Variants in CCDC127 observed in about 807,000 individuals in gnomAD.
CCDC127 encodes the protein coiled-coil domain containing 127, also known as coiled-coil domain-containing protein 127.
CCDC127 carries 2 observed loss-of-function variants against 4.1 expected under a neutral mutation model. That is an observed-to-expected ratio of 0.49 (90% CI 0.20 to 1.53). The LOEUF is 1.53. CCDC127 is among the 40% of genes most tolerant of loss of function. CCDC127 has a pLI of 0.23. For synonymous variants in CCDC127, 98 were observed against 120.4 expected (o/e 0.81, Z 1.22); for missense variants, 271 against 322.9 (o/e 0.84, Z 1.23).
rs1553994579 is a variant in CCDC127, at chr5:196,956, T to TTTG, written c.*8340_*8341insCAA. The TTTG allele has an allele frequency of 6.8e-6, 1 of 147,134 alleles. No homozygotes were observed. The highest frequency in any genetic ancestry group is 1.5e-5 in the Non-Finnish European group (1 of 66,862). 9.1% of individuals were successfully genotyped at this position (147,134 alleles called of 1,614,324 possible). A position where few individuals can be genotyped will look rare whatever the true frequency, so the allele number is the denominator to read the frequency against. On this transcript the variant is annotated 3_prime_UTR_variant, in exon 3 of 3. Coordinates refer to ENST00000296824, the MANE Select transcript of CCDC127 (RefSeq NM_145265.3). ...CCGGCCTCTGAGTTCCCTCAGTTTT[T>TTTG]ATTATTATTTTCATTATTTCAGCAA...
rs1734466705 is a variant in CCDC127 at position 218,084 on chromosome 5, C to T, written c.-11+9G>A. The T allele has an allele frequency of 8.5e-7, 1 of 1,180,888 alleles. No individual in the cohort carries two copies. Among genetic ancestry groups the T allele is most frequent in the Non-Finnish European group, 1.0e-6 (1 of 953,494 alleles). 73.2% of individuals were successfully genotyped at this position (1,180,888 alleles called of 1,614,324 possible). On this transcript the variant is annotated intron_variant, in intron 1 of 2. Coordinates refer to ENST00000296824, the MANE Select transcript of CCDC127 (RefSeq NM_145265.3). Reference sequence around the variant, plus strand: ...GCCCACCACCTCCCCGGAACAGGGCCCGCTCTACCTCGGTCGGGGAGCGCG... The same window carrying T: ...GCCCACCACCTCCCCGGAACAGGGCTCGCTCTACCTCGGTCGGGGAGCGCG...
Position 201,274 on chromosome 5 carries a change from G to C in CCDC127, c.*4023C>G, listed in dbSNP as rs185281152. On this transcript the variant is annotated 3_prime_UTR_variant, in exon 3 of 3. Transcript: ENST00000296824. ...TAGTCTTCAGACTTGCTTTTATGTA[G>C]CAAACCTAATATGTGAAAGTAACTA... The C allele has an allele frequency of 3.3e-5, 5 of 152,340 alleles. No homozygotes were observed. Among genetic ancestry groups the C allele is most frequent in the African/African-American group, 1.2e-4 (5 of 41,556 alleles). The allele number at this position is 152,340 out of a possible 1,614,324, so 9.4% of individuals were successfully genotyped here.
At chr5:208,150 C>T (rs62346511) in intron 2 of CCDC127, among the ~76,000 whole-genome samples, 5,153 of 152,248 alleles carry the variant, frequency 0.034, 156 homozygotes, top group Middle Eastern at 0.058. Flanking sequence ...TCTGGGAAGA[C>T]GGAGTAGACA....
Position 197,072 on chromosome 5 carries a change from G to A in CCDC127, c.*8225C>T, listed in dbSNP as rs915812291. ...GAATCTATGTCGTAATTAAGTTCAA[G>A]GGAAGGTACTATGCCTGGACGTGCA... On this transcript the variant is annotated 3_prime_UTR_variant, in exon 3 of 3. Coordinates refer to ENST00000296824, the MANE Select transcript of CCDC127 (RefSeq NM_145265.3). 1 of 151,342 alleles carries A rather than the reference G, an allele frequency of 6.6e-6. No individual in the cohort carries two copies. The highest frequency in any genetic ancestry group is 2.4e-5 in the African/African-American group (1 of 41,000). 9.4% of individuals were successfully genotyped at this position (151,342 alleles called of 1,614,324 possible).
At chr5:210,136 C>A (rs1303537603) in intron 2 of CCDC127, among the ~76,000 whole-genome samples, 1 of 152,194 alleles carries the variant, frequency 6.6e-6, no homozygotes, top group Non-Finnish European at 1.5e-5. Flanking sequence ...TAAAGTCTTA[C>A]TCCTTATTAA....
intron 2 of CCDC127, chr5:216,271 C>T: frequency 5.2e-6 from 1 of 193,110 alleles, no homozygotes; most frequent in South Asian, 9.3e-5. Context: ...AGGCTGGTCA[C>T]TCGATCTGCC....
chr5:203,657 A>G lies in CCDC127; in HGVS notation c.*1640T>C, dbSNP rs1372608798. 2 of 152,230 alleles carry G rather than the reference A, an allele frequency of 1.3e-5. No individual in the cohort carries two copies. Among genetic ancestry groups the G allele is most frequent in the African/African-American group, 4.8e-5 (2 of 41,450 alleles). The allele number at this position is 152,230 out of a possible 1,614,324, so 9.4% of individuals were successfully genotyped here. A position where few individuals can be genotyped will look rare whatever the true frequency, so the allele number is the denominator to read the frequency against. On this transcript the variant is annotated 3_prime_UTR_variant, in exon 3 of 3. Coordinates refer to ENST00000296824, the MANE Select transcript of CCDC127 (RefSeq NM_145265.3). ...GTACAGACGGGCAGGAGGGGAGAAC[A>G]TGGCCCTTGAAAGCAGATGGACAAC...
intron 2 of CCDC127, among the ~76,000 whole-genome samples, chr5:206,427 G>A (rs1734174424): frequency 2.0e-5 from 3 of 152,234 alleles, no homozygotes; most frequent in South Asian, 4.1e-4. Context: ...AAGACACAGT[G>A]GGCCTCTTTC....
At chr5:209,969 C>G (rs559721832) in intron 2 of CCDC127, among the ~76,000 whole-genome samples, 1 of 152,158 alleles carries the variant, frequency 6.6e-6, no homozygotes. Flanking sequence ...ACAGCATCTA[C>G]GGAAAACCTG....
chr5:207,709 G>A (rs1194078399), intron 2 of CCDC127, among the ~76,000 whole-genome samples: 1 of 152,132 alleles, frequency 6.6e-6, no homozygotes, highest in Non-Finnish European at 1.5e-5. Flanking sequence ...CGGACAAGGA[G>A]CACGGGATAT....
Position 201,034 on chromosome 5 carries a change from C to G in CCDC127, c.*4263G>C, listed in dbSNP as rs547133179. 4.0e-5 allele frequency: 1 copy of G among 24,934 alleles called. No individual in the cohort carries two copies. The highest frequency in any genetic ancestry group is 1.2e-3 in the South Asian group (1 of 836). 1.5% of individuals were successfully genotyped at this position (24,934 alleles called of 1,614,324 possible). A position where few individuals can be genotyped will look rare whatever the true frequency, so the allele number is the denominator to read the frequency against. On this transcript the variant is annotated 3_prime_UTR_variant, in exon 3 of 3. Transcript: ENST00000296824. ...TCACAGCCAGCCAGTGTCTACACAG[C>G]AGGCTGCCCCCCATCACAGCCAGCC...
intron 1 of CCDC127, 87 bp downstream of exon 1, chr5:218,006 C>G (rs1407244685): frequency 1.2e-6 from 1 of 832,956 alleles, no homozygotes; most frequent in Non-Finnish European, 1.5e-6. Flanking sequence ...CGTTCAGGCC[C>G]TTCGGTCTGG....
chr5:211,213 G>A (rs57235434), intron 2 of CCDC127, among the ~76,000 whole-genome samples: 11,493 of 79,474 alleles, frequency 0.14, 1,111 homozygotes, highest in African/African-American at 0.29. Flanking sequence ...GCTCGACATC[G>A]CACACTGCAG....
intron 2 of CCDC127, among the ~76,000 whole-genome samples, chr5:206,695 G>A (rs998770300): frequency 5.3e-5 from 8 of 152,204 alleles, no homozygotes; most frequent in African/African-American, 1.4e-4. Context: ...AAAAAAGACC[G>A]TGTGATAACA....
At chr5:206,307 G>C (rs948249423) in intron 2 of CCDC127, among the ~76,000 whole-genome samples, 4 of 149,476 alleles carry the variant, frequency 2.7e-5, no homozygotes, top group African/African-American at 1.0e-4. Flanking sequence ...TCTTATAAAA[G>C]TTGTATTTAG....
At position 200,968 on chromosome 5, in the gene CCDC127, GCCC is replaced by G. The variant is rs915538831; in HGVS notation, c.*4326_*4328del. ...CCAGCCAGCGTCTACACAGCAGGCT[GCCC>G]CCATCACAGCCAGCGTCTACACAGC... On this transcript the variant is annotated 3_prime_UTR_variant, in exon 3 of 3. Transcript: ENST00000296824. 3.3e-5 allele frequency: 4 copies of G among 120,924 alleles called. No homozygotes were observed. The highest frequency in any genetic ancestry group is 4.9e-5 in the Non-Finnish European group (3 of 61,606). 7.5% of individuals were successfully genotyped at this position (120,924 alleles called of 1,614,324 possible).
intron 2 of CCDC127, among the ~76,000 whole-genome samples, chr5:210,015 G>A (rs1734248114): frequency 6.6e-6 from 1 of 152,232 alleles, no homozygotes; most frequent in Admixed American, 6.5e-5. Context: ...GAGGCTGAGT[G>A]TGTTCTCTCT....
rs1734405453 is a variant in CCDC127, at chr5:216,851, G to C, written c.-2C>G. The C allele has an allele frequency of 6.6e-7, 1 of 1,524,006 alleles. No individual in the cohort carries two copies. The highest frequency in any genetic ancestry group is 1.4e-5 in the African/African-American group (1 of 72,432). The allele number at this position is 1,524,006 out of a possible 1,614,324, so 94.4% of individuals were successfully genotyped here. A position where few individuals can be genotyped will look rare whatever the true frequency, so the allele number is the denominator to read the frequency against. ...TGGGGGATCATTTAGGTTATTCATG[G>C]AGATATACCTTGAAGTAAAGAATAA... On this transcript the variant is annotated 5_prime_UTR_variant, in exon 2 of 3. Coordinates refer to ENST00000296824, the MANE Select transcript of CCDC127 (RefSeq NM_145265.3).
rs1336025353 is a variant in CCDC127, at chr5:202,839, C to T, written c.*2458G>A. The T allele has an allele frequency of 3.3e-5, 5 of 152,338 alleles. No individual in the cohort carries two copies. The highest frequency in any genetic ancestry group is 1.9e-4 in the East Asian group (1 of 5,186). The allele number at this position is 152,338 out of a possible 1,614,324, so 9.4% of individuals were successfully genotyped here. A position where few individuals can be genotyped will look rare whatever the true frequency, so the allele number is the denominator to read the frequency against. ...AGGGACACCCAGCAGACCGGATTGC[C>T]GCAGGAATGGAGCCTGCACCGCTCT... is the stretch of plus-strand genomic sequence containing the variant. On this transcript the variant is annotated 3_prime_UTR_variant, in exon 3 of 3. Transcript: ENST00000296824.
Sources: gnomAD v4.1 joint callset for allele counts (sites outside exome capture counted in the v4.1 genomes callset) on GRCh38, gnomAD v4.1.1 for gene constraint, MANE v1.5 for transcripts, NCBI Gene and HGNC (gene_info 2026-07-23, HGNC 2026-07-21) for gene names.